TOLLIP: variants seen among roughly 807,000 people sequenced by gnomAD.
The protein encoded by TOLLIP is toll-interacting protein.
In TOLLIP, 16 loss-of-function variants were observed where a neutral mutation model predicts 33.5. That is an observed-to-expected ratio of 0.48 (90% CI 0.32 to 0.72). TOLLIP has a LOEUF of 0.72. Among genes scored for constraint, TOLLIP ranks in the 30% least tolerant of loss-of-function variants. The pLI is 0.03. For missense variants in TOLLIP, 325 were observed against 396.6 expected (o/e 0.82, Z 1.53); for synonymous variants, 176 against 163.7 (o/e 1.07, Z -0.57).
At chr11:1,300,493 G>A (rs758143000) in intron 1 of TOLLIP, among the ~76,000 whole-genome samples, 3 of 152,224 alleles carry the variant, frequency 2.0e-5, no homozygotes, top group Non-Finnish European at 4.4e-5. Flanking sequence ...GTCATGCAAT[G>A]TGTGTAGTCA....
chr11:1,309,537 T>C lies in TOLLIP; in HGVS notation c.-39A>G. On this transcript the variant is annotated 5_prime_UTR_variant, in exon 1 of 6. Coordinates refer to ENST00000317204, the MANE Select transcript of TOLLIP (RefSeq NM_019009.4). ...CCCCCGTGGCTCGCCGACCCGACAGTGACGCGCCGGGCGACCTCCTGCGCC... is the reference window on the plus strand; with the variant it reads ...CCCCCGTGGCTCGCCGACCCGACAGCGACGCGCCGGGCGACCTCCTGCGCC... 7 of 1,265,100 alleles carry C rather than the reference T, an allele frequency of 5.5e-6. No individual in the cohort carries two copies. Among genetic ancestry groups the C allele is most frequent in the Non-Finnish European group, 7.0e-6 (7 of 993,990 alleles). 78.4% of individuals were successfully genotyped at this position (1,265,100 alleles called of 1,614,324 possible).
chr11:1,285,953 C>A, intron 5 of TOLLIP, 49 bp downstream of exon 5: 1 of 1,487,928 alleles, frequency 6.7e-7, no homozygotes, highest in East Asian at 2.4e-5. Context: ...TGCCCTAGGC[C>A]CTGGGGTTTC....
chr11:1,294,072 C>G (rs1257461440), intron 2 of TOLLIP, among the ~76,000 whole-genome samples: 1 of 152,154 alleles, frequency 6.6e-6, no homozygotes, highest in African/African-American at 2.4e-5. Context: ...GCGTGGCTCA[C>G]AGTGTGTCTC....
At chr11:1,284,432 T>A (rs1268375074) in intron 5 of TOLLIP, among the ~76,000 whole-genome samples, 10 of 151,690 alleles carry the variant, frequency 6.6e-5, no homozygotes, top group Admixed American at 6.6e-4. Context: ...CACTGCAAGC[T>A]CCACCTCCTG....
chr11:1,301,687 C>T (rs747435406), intron 1 of TOLLIP, among the ~76,000 whole-genome samples: 2 of 152,196 alleles, frequency 1.3e-5, no homozygotes, highest in Non-Finnish European at 1.5e-5. Context: ...GAGGCCCCAA[C>T]ACAGAAGCCC....
chr11:1,278,559 A>C lies in TOLLIP; in HGVS notation c.611-1306T>G, dbSNP rs1590203953. 6.6e-6 allele frequency among the ~76,000 whole-genome samples: 1 copy of C among 152,056 alleles called. No individual in the cohort carries two copies. The highest frequency in any genetic ancestry group is 2.4e-5 in the African/African-American group (1 of 41,394). ...CCAGGACTCCTCAGCAAGGAAGGCC[A>C]CCGCTTCCCGGCTCCTTCTAGGCCA... On this transcript the variant is annotated intron_variant, in intron 5 of 5. Transcript: ENST00000317204. This position sits in a 1 kb window ranked among gnomAD's most constrained non-coding sequence, Gnocchi z 4.7.
chr11:1,281,472 C>T (rs1019359205), intron 5 of TOLLIP, among the ~76,000 whole-genome samples: 3 of 152,212 alleles, frequency 2.0e-5, no homozygotes, highest in African/African-American at 7.2e-5. Context: ...TGGGCTCAGA[C>T]ACCACGGGAG....
intron 1 of TOLLIP, among the ~76,000 whole-genome samples, chr11:1,300,032 G>A (rs1311920175): frequency 6.6e-6 from 1 of 152,192 alleles, no homozygotes; most frequent in African/African-American, 2.4e-5. Flanking sequence ...AGGGAAACAG[G>A]CAGGGAAGAT....
intron 1 of TOLLIP, among the ~76,000 whole-genome samples, chr11:1,305,300 A>C (rs1703230083): frequency 6.6e-6 from 1 of 152,246 alleles, no homozygotes; most frequent in Non-Finnish European, 1.5e-5. Flanking sequence ...GCTCAGGTGC[A>C]GTCAGCAGGA....
chr11:1,286,078 G>A lies in TOLLIP; in HGVS notation c.534C>T (p.Ala178=). Residue 178 remains alanine, a synonymous_variant, in exon 5 of 6, where the codon GCC becomes GCT. Coordinates refer to ENST00000317204, the MANE Select transcript of TOLLIP (RefSeq NM_019009.4). ...LVMSYALLPA[A]MVMPPQPVVL... Reference sequence around the variant, plus strand: ...CCACGGGCTGGGGTGGCATCACCATGGCAGCTGGAAGCAGCTGAAACACAG... The same window carrying A: ...CCACGGGCTGGGGTGGCATCACCATAGCAGCTGGAAGCAGCTGAAACACAG... 6.3e-7 allele frequency: 1 copy of A among 1,597,808 alleles called. No individual in the cohort carries two copies. The highest frequency in any genetic ancestry group is 1.3e-5 in the African/African-American group (1 of 74,994).
At chr11:1,295,390 G>A in intron 2 of TOLLIP, 1 of 367,802 alleles carries the variant, frequency 2.7e-6, no homozygotes, top group Middle Eastern at 6.8e-4. Context: ...CCTGGTGGAA[G>A]AGCCAGGCCC....
At chr11:1,288,864 T>C (rs961821182) in intron 3 of TOLLIP, 88 bp from the exon 4 acceptor site, 11 of 1,442,654 alleles carry the variant, frequency 7.6e-6, no homozygotes, top group Non-Finnish European at 7.5e-6. Flanking sequence ...CCGCCTCGAG[T>C]CCCCGTCTTA....
intron 1 of TOLLIP, chr11:1,305,751 C>T (rs543549005): frequency 1.3e-5 from 2 of 152,488 alleles, no homozygotes; most frequent in Admixed American, 6.5e-5. Flanking sequence ...CAGCTGGACT[C>T]CATGGCCAAC....
intron 1 of TOLLIP, among the ~76,000 whole-genome samples, chr11:1,307,141 C>G (rs1864441033): frequency 6.6e-6 from 1 of 152,184 alleles, no homozygotes; most frequent in African/African-American, 2.4e-5. Flanking sequence ...GTTGGTAGCG[C>G]TGGTTGATTA....
intron 4 of TOLLIP, among the ~76,000 whole-genome samples, chr11:1,286,776 C>A (rs1863713749): frequency 6.6e-6 from 1 of 152,018 alleles, no homozygotes; most frequent in Non-Finnish European, 1.5e-5. Context: ...TAAGTCATTG[C>A]ACTGCTGTTG....
chr11:1,299,947 A>T (rs970154038), intron 1 of TOLLIP, among the ~76,000 whole-genome samples: 3 of 152,246 alleles, frequency 2.0e-5, no homozygotes, highest in Admixed American at 6.5e-5. Context: ...GAGGTGCGGC[A>T]CGACCTGCTG....
In TOLLIP at chr11:1,276,931, G is replaced by A. The variant is rs1449496226; in HGVS notation, c.*108C>T. The A allele has an allele frequency of 1.9e-6, 3 of 1,575,436 alleles. No homozygotes were observed. The highest frequency in any genetic ancestry group is 1.7e-6 in the Non-Finnish European group (2 of 1,159,828). On this transcript the variant is annotated 3_prime_UTR_variant, in exon 6 of 6. Transcript: ENST00000317204. ...GCGGCACAGAAGTCCACGGGAGGGG[G>A]CGACACGGGTGCTCTTTCACGGGAA...
At chr11:1,297,853 G>A (rs1335831716) in intron 1 of TOLLIP, among the ~76,000 whole-genome samples, 1 of 152,256 alleles carries the variant, frequency 6.6e-6, no homozygotes, top group African/African-American at 2.4e-5. Flanking sequence ...TGGCTCAGGA[G>A]GGCGCTGAGA....
chr11:1,285,971 G>A (rs758805454), intron 5 of TOLLIP, 31 bp downstream of exon 5: 16 of 1,557,836 alleles, frequency 1.0e-5, no homozygotes, highest in East Asian at 6.9e-5. Flanking sequence ...TTCTACCAGG[G>A]GAGAGGCACC....
Sources: allele counts gnomAD v4.1 joint callset (sites outside exome capture counted in the v4.1 genomes callset), GRCh38; gene constraint gnomAD v4.1.1; non-coding constraint Gnocchi (gnomAD v3.1); transcripts MANE v1.5; gene names NCBI Gene and HGNC (gene_info 2026-07-23, HGNC 2026-07-21).